The following LMNTD1 variants were observed in gnomAD, a reference collection of about 807,000 sequenced individuals.
The protein encoded by LMNTD1 is lamin tail domain containing 1.
Under a neutral mutation model 50.9 loss-of-function variants are expected in LMNTD1, and 35 were observed. The observed-to-expected ratio is 0.69, with a 90% CI of 0.53 to 0.91. LMNTD1 has a LOEUF of 0.91. Ranked by LOEUF, LMNTD1 falls within the 40% of genes least tolerant of loss-of-function variation. The pLI is 0.00. For missense variants in LMNTD1, 470 were observed against 475.5 expected (o/e 0.99, Z 0.11); for synonymous variants, 153 against 161.9 (o/e 0.94, Z 0.42).
chr12:25,557,491 A>C (rs1944092293), upstream of LMNTD1: 1 of 152,194 alleles, frequency 6.6e-6, no homozygotes, highest in South Asian at 2.1e-4. Flanking sequence ...TAATTACTTT[A>C]CACATTACAT....
At chr12:25,478,803 G>T (rs781123002) in intron 9 of LMNTD1, among the ~76,000 whole-genome samples, 8 of 151,960 alleles carry the variant, frequency 5.3e-5, no homozygotes, top group Non-Finnish European at 1.5e-5. Context: ...AAAAAAGCTG[G>T]TATTGATGAC....
At chr12:25,629,671 G>T (rs1946670920) in intron 1 of LMNTD1, among the ~76,000 whole-genome samples, 1 of 152,120 alleles carries the variant, frequency 6.6e-6, no homozygotes, top group Admixed American at 6.5e-5. Flanking sequence ...GGAGTGTGAG[G>T]AATTTCAAGC....
chr12:25,518,609 T>C lies in LMNTD1; in HGVS notation c.1189+186A>G, dbSNP rs957858524. On this transcript the variant is annotated intron_variant, in intron 8 of 9. Coordinates refer to ENST00000458174, the MANE Select transcript of LMNTD1 (RefSeq NM_001145728.2). The stretch of plus-strand genomic sequence containing the variant: ...AAAGACAGATGTTTATCTAGCACAG[T>C]GGAAGACACTGTGCTAGGGGAAATG... Among the ~76,000 whole-genome samples the C allele has an allele frequency of 6.6e-5, 10 of 152,198 alleles. No individual in the cohort carries two copies. In the South Asian group the frequency reaches 1.4e-3, roughly 22 times the overall value.
intron 4 of LMNTD1, among the ~76,000 whole-genome samples, chr12:25,531,526 T>A (rs117262410): frequency 6.6e-6 from 1 of 152,216 alleles, no homozygotes; most frequent in Non-Finnish European, 1.5e-5. Flanking sequence ...ATGTCCTTTT[T>A]CTCTGGCTGA....
intron 1 of LMNTD1, among the ~76,000 whole-genome samples, chr12:25,595,294 A>G (rs1436337296): frequency 6.6e-6 from 1 of 152,198 alleles, no homozygotes; most frequent in Non-Finnish European, 1.5e-5. Flanking sequence ...TCAACAGCAC[A>G]TGAAACTTTC....
intron 1 of LMNTD1, among the ~76,000 whole-genome samples, chr12:25,606,440 T>A (rs551077213): frequency 6.6e-6 from 1 of 152,164 alleles, no homozygotes; most frequent in African/African-American, 2.4e-5. Context: ...CCAGTTTTTG[T>A]CCATTCAGTA....
At chr12:25,600,776 T>C (rs1170048152) in intron 1 of LMNTD1, among the ~76,000 whole-genome samples, 1 of 151,836 alleles carries the variant, frequency 6.6e-6, no homozygotes, top group East Asian at 1.9e-4. Flanking sequence ...TAAAATGGCT[T>C]TTATCCAAAA....
intron 9 of LMNTD1, among the ~76,000 whole-genome samples, chr12:25,500,533 G>A (rs1939325519): frequency 6.6e-6 from 1 of 152,184 alleles, no homozygotes; most frequent in Admixed American, 6.5e-5. Context: ...TTTACTGGTT[G>A]TGAGTTTATA....
chr12:25,612,956 G>T (rs181642742), intron 1 of LMNTD1, among the ~76,000 whole-genome samples: 244 of 152,278 alleles, frequency 1.6e-3, no homozygotes, highest in African/African-American at 5.8e-3. Context: ...AGGGAGATCT[G>T]CTAGAAGAGG....
At chr12:25,515,976 G>A (rs1035769476) in intron 8 of LMNTD1, among the ~76,000 whole-genome samples, 3 of 151,812 alleles carry the variant, frequency 2.0e-5, no homozygotes, top group East Asian at 3.9e-4. Flanking sequence ...GTGTGCTAAT[G>A]GTGGCAAATT....
At chr12:25,613,326 A>G (rs961337684) in intron 1 of LMNTD1, among the ~76,000 whole-genome samples, 1 of 152,204 alleles carries the variant, frequency 6.6e-6, no homozygotes, top group Non-Finnish European at 1.5e-5. Context: ...AATCAAGATA[A>G]GCTTAGGAAC....
chr12:25,512,624 A>T (rs1161830990), intron 8 of LMNTD1, among the ~76,000 whole-genome samples: 2 of 152,060 alleles, frequency 1.3e-5, no homozygotes, highest in African/African-American at 4.8e-5. Context: ...GGAGGTGAAA[A>T]TGTTTCCTCT....
intron 1 of LMNTD1, among the ~76,000 whole-genome samples, chr12:25,581,244 A>G (rs1945272366): frequency 6.6e-6 from 1 of 152,194 alleles, no homozygotes; most frequent in African/African-American, 2.4e-5. Context: ...GGCCCCGCGC[A>G]GTGCTTTATT....
intron 1 of LMNTD1, chr12:25,582,466 A>C (rs1185794925): frequency 6.6e-6 from 1 of 152,248 alleles, no homozygotes; most frequent in African/African-American, 2.4e-5. Context: ...TCAGAAGCCT[A>C]TAAAGAATCA....
intron 1 of LMNTD1, among the ~76,000 whole-genome samples, chr12:25,641,340 C>G (rs143804118): frequency 1.4e-3 from 210 of 152,072 alleles, no homozygotes; most frequent in African/African-American, 5.0e-3. Context: ...AAAAAATGAA[C>G]AGCAATAAGA....
At chr12:25,577,890 T>C (rs1196111489) in intron 1 of LMNTD1, among the ~76,000 whole-genome samples, 1 of 152,140 alleles carries the variant, frequency 6.6e-6, no homozygotes, top group East Asian at 1.9e-4. Context: ...CACTTCCCTG[T>C]CCTATCATGC....
At chr12:25,505,202 TG>T (rs1232213482) in intron 8 of LMNTD1, among the ~76,000 whole-genome samples, 1 of 151,266 alleles carries the variant, frequency 6.6e-6, no homozygotes, top group African/African-American at 2.4e-5. Context: ...GGTTTTTTTT[TG>T]AGCCTCAAGC....
intron 1 of LMNTD1, among the ~76,000 whole-genome samples, chr12:25,622,858 T>C (rs532222652): frequency 6.9e-6 from 1 of 145,008 alleles, no homozygotes; most frequent in African/African-American, 2.6e-5. Context: ...CACACTAAGT[T>C]TCTGTGCTGA....
At chr12:25,544,988 C>T (rs373180471) in intron 4 of LMNTD1, among the ~76,000 whole-genome samples, 8 of 151,906 alleles carry the variant, frequency 5.3e-5, no homozygotes, top group South Asian at 4.1e-4. Context: ...TTGGGATTCA[C>T]GCTAGAGTAA....
Sources: gnomAD v4.1 joint callset for allele counts (sites outside exome capture counted in the v4.1 genomes callset) on GRCh38, gnomAD v4.1.1 for gene constraint, MANE v1.5 for transcripts, NCBI Gene and HGNC (gene_info 2026-07-23, HGNC 2026-07-21) for gene names.